PDGFRB: variants seen among roughly 807,000 people sequenced by gnomAD.
The protein encoded by PDGFRB is platelet-derived growth factor receptor beta.
A neutral mutation model predicts 120.2 loss-of-function variants in PDGFRB; 42 were observed. The observed-to-expected ratio is 0.35, with a 90% CI of 0.27 to 0.45. The LOEUF (loss-of-function observed/expected upper bound fraction) is 0.45, where lower values mean the gene tolerates loss of function less well. Ranked by LOEUF, PDGFRB falls within the 20% of genes least tolerant of loss-of-function variation. The pLI, the probability that PDGFRB is intolerant of heterozygous loss-of-function variation, is 1.00. For synonymous variants in PDGFRB, 586 were observed against 606.8 expected, an observed-to-expected ratio of 0.97 and a Z score of 0.50; for missense variants, 1,149 against 1,476.3, an observed-to-expected ratio of 0.78 and a Z score of 3.63.
chr5:150,152,208 C>T (rs1239177012), intron 1 of PDGFRB, among the ~76,000 whole-genome samples: 1 of 152,170 alleles, frequency 6.6e-6, no homozygotes, highest in South Asian at 2.1e-4. Flanking sequence ...TGCCCAGCCT[C>T]GATGGTTAAA....
At chr5:150,122,891 T>C (rs771618606) in intron 15 of PDGFRB, 151 bp downstream of exon 15, 14 of 684,690 alleles carry the variant, frequency 2.0e-5, no homozygotes, top group Non-Finnish European at 3.3e-5. Flanking sequence ...TCATCTGGGG[T>C]GGACCATCTT....
chr5:150,119,713 A>T (rs1027939478), intron 19 of PDGFRB, 147 bp from the exon 20 acceptor site: 2 of 634,766 alleles, frequency 3.2e-6, no homozygotes, highest in Non-Finnish European at 5.7e-6. Context: ...GGGCTCCTTC[A>T]TGGGCTCTGA....
intron 10 of PDGFRB, among the ~76,000 whole-genome samples, chr5:150,127,140 G>A (rs10074391): frequency 0.089 from 13,556 of 152,250 alleles, 770 homozygotes; most frequent in East Asian, 0.26. Context: ...ACCTCAGCAC[G>A]GAGGCCACTT....
chr5:150,119,793 T>C (rs1374638959), intron 19 of PDGFRB, among the ~76,000 whole-genome samples: 3 of 152,172 alleles, frequency 2.0e-5, no homozygotes, highest in Non-Finnish European at 2.9e-5. Flanking sequence ...CTGATGTCAC[T>C]GTTCAAACCT....
intron 15 of PDGFRB, among the ~76,000 whole-genome samples, chr5:150,122,729 T>C (rs1325729133): frequency 1.3e-5 from 2 of 152,182 alleles, no homozygotes; most frequent in Non-Finnish European, 2.9e-5. Flanking sequence ...CTGTGCAAAT[T>C]GGGAGGCTTG....
chr5:150,131,484 C>G (rs1220690487), intron 8 of PDGFRB, among the ~76,000 whole-genome samples: 1 of 152,206 alleles, frequency 6.6e-6, no homozygotes, highest in East Asian at 1.9e-4. Context: ...CCAGCACTCT[C>G]AACCTTCCCT....
At chr5:150,152,338 G>A (rs1761100129) in intron 1 of PDGFRB, among the ~76,000 whole-genome samples, 1 of 152,198 alleles carries the variant, frequency 6.6e-6, no homozygotes, top group Non-Finnish European at 1.5e-5. Context: ...GACACAGAAA[G>A]TGCTAAGAAC....
At chr5:150,137,506 G>T in intron 1 of PDGFRB, 1 of 159,314 alleles carries the variant, frequency 6.3e-6, no homozygotes, top group Non-Finnish European at 1.4e-5. Flanking sequence ...GAGGAGGGGG[G>T]AGGCCAGAAC....
At chr5:150,122,566 TC>T (rs1561992225) in intron 15 of PDGFRB, among the ~76,000 whole-genome samples, 1 of 152,280 alleles carries the variant, frequency 6.6e-6, no homozygotes. Context: ...TTTACGCTTT[TC>T]TGAAGCTACT....
intron 1 of PDGFRB, among the ~76,000 whole-genome samples, chr5:150,138,786 G>C (rs1453319205): frequency 6.6e-6 from 1 of 152,196 alleles, no homozygotes; most frequent in Admixed American, 6.5e-5. Flanking sequence ...CCCCTCCGTC[G>C]GTGCCCCTCT....
chr5:150,138,000 G>A (rs1399499273), intron 1 of PDGFRB, among the ~76,000 whole-genome samples: 1 of 152,156 alleles, frequency 6.6e-6, no homozygotes, highest in Non-Finnish European at 1.5e-5. Context: ...GACAGAGACA[G>A]AAGCAAGGAC....
rs1262809438 is a variant in PDGFRB, at chr5:150,117,618, C to T, written c.3137G>A (p.Ser1046Asn). 4.4e-6 allele frequency: 7 copies of T among 1,589,726 alleles called. No individual in the cohort carries two copies. In the South Asian group the frequency reaches 6.6e-5, roughly 15 times the overall value. ...GPLEGSPSLA[S>N]STLNEVNTSS... Reference sequence around the variant, plus strand: ...CTTGGCCCCAGGCCAGGGTGGTTACCTGGCTAGGCTGGGGGAACCCTCCAG... The same window carrying T: ...CTTGGCCCCAGGCCAGGGTGGTTACTTGGCTAGGCTGGGGGAACCCTCCAG... The change falls in exon 22 of 23, where the codon AGC becomes AAC. Residue 1046 changes from serine to asparagine, a missense_variant and splice_region_variant. Transcript: ENST00000261799.
intron 1 of PDGFRB, among the ~76,000 whole-genome samples, chr5:150,139,060 A>C (rs936255236): frequency 6.6e-6 from 1 of 151,762 alleles, no homozygotes; most frequent in African/African-American, 2.4e-5. Flanking sequence ...CCCATGTGGC[A>C]CTCCATCCTC....
At position 150,119,920 on chromosome 5, in the gene PDGFRB, C is replaced by T. The variant is rs1294531770; in HGVS notation, c.2698+92G>A. The T allele has an allele frequency of 5.2e-6, 4 of 764,160 alleles. No homozygotes were observed. The Admixed American group carries it at 5.3e-5, about 10-fold the overall frequency. The allele number at this position is 764,160 out of a possible 1,614,324, so 47.3% of individuals were successfully genotyped here. A position where few individuals can be genotyped will look rare whatever the true frequency, so the allele number is the denominator to read the frequency against. The stretch of plus-strand genomic sequence containing the variant: ...CTGAACCAGGATCCCTGTATCAGGG[C>T]TCGTCCCATAGCCCCACCAGGCCAG... On this transcript the variant is annotated intron_variant, in intron 19 of 22. Coordinates refer to ENST00000261799, the MANE Select transcript of PDGFRB (RefSeq NM_002609.4).
At chr5:150,117,925 A>C (rs1580793029) in intron 21 of PDGFRB, 75 bp from the exon 22 acceptor site, 2 of 800,468 alleles carry the variant, frequency 2.5e-6, no homozygotes, top group East Asian at 5.3e-5. Context: ...CTTCTAACCG[A>C]GCCCATCCCC....
At chr5:150,140,647 G>C (rs912396805) in intron 1 of PDGFRB, among the ~76,000 whole-genome samples, 2 of 151,916 alleles carry the variant, frequency 1.3e-5, no homozygotes, top group African/African-American at 4.8e-5. Flanking sequence ...AGAGGAGTGG[G>C]GGGCCCCAAG....
At position 150,132,689 on chromosome 5, in the gene PDGFRB, C is replaced by T; in HGVS notation, c.1127+61G>A. On this transcript the variant is annotated intron_variant, in intron 7 of 22. Transcript: ENST00000261799. The surrounding 1 kb of genome is among the most constrained non-coding windows in gnomAD (Gnocchi z 5.0). ...TAGGTTTGTGGCTGAAAGCCGAGGG[C>T]TGCCTGGCGGCTGCAAAGAAAAATA... 18 of 1,509,066 alleles carry T rather than the reference C, an allele frequency of 1.2e-5. No individual in the cohort carries two copies. Among genetic ancestry groups the T allele is most frequent in the Non-Finnish European group, 1.6e-5 (18 of 1,113,992 alleles). The allele number at this position is 1,509,066 out of a possible 1,614,324, so 93.5% of individuals were successfully genotyped here. A position where few individuals can be genotyped will look rare whatever the true frequency, so the allele number is the denominator to read the frequency against.
Position 150,121,140 on chromosome 5 carries a change from G to T in PDGFRB, c.2463+64C>A. ...CCACCCTGGTGTGCTCTTGGAGGAT[G>T]CTGGCTGGCTGGGTGACCCACCTCC... On this transcript the variant is annotated intron_variant, in intron 17 of 22. Coordinates refer to ENST00000261799, the MANE Select transcript of PDGFRB (RefSeq NM_002609.4). This position sits in a 1 kb window ranked among gnomAD's most constrained non-coding sequence, Gnocchi z 4.1. The T allele has an allele frequency of 1.5e-6, 2 of 1,338,332 alleles. No homozygotes were observed. Among genetic ancestry groups the T allele is most frequent in the Non-Finnish European group, 2.2e-6 (2 of 928,510 alleles). 82.9% of individuals were successfully genotyped at this position (1,338,332 alleles called of 1,614,324 possible).
At position 150,117,537 on chromosome 5, in the gene PDGFRB, C is replaced by T. The variant is rs866649621; in HGVS notation, c.3137+81G>A. Reference sequence around the variant, plus strand: ...TGAGGCAAACCTGGCAGCGCGCGCGCGCGCGCGCACACACACACACACACA... The same window carrying T: ...TGAGGCAAACCTGGCAGCGCGCGCGTGCGCGCGCACACACACACACACACA... On this transcript the variant is annotated intron_variant, in intron 22 of 22. Transcript: ENST00000261799. The T allele has an allele frequency of 9.5e-4, 558 of 590,114 alleles. 3 individuals are homozygous for T. The African/African-American group carries it at 0.013, about 14-fold the overall frequency. 36.6% of individuals were successfully genotyped at this position (590,114 alleles called of 1,614,324 possible).
Sources: gnomAD v4.1 joint callset for allele counts (sites outside exome capture counted in the v4.1 genomes callset) on GRCh38, gnomAD v4.1.1 for gene constraint, Gnocchi (gnomAD v3.1) non-coding constraint, MANE v1.5 for transcripts, NCBI Gene and HGNC (gene_info 2026-07-23, HGNC 2026-07-21) for gene names.